Variants in EPM2A observed in about 807,000 individuals in gnomAD.
EPM2A encodes the protein EPM2A glucan phosphatase, laforin.
A neutral mutation model predicts 26.5 loss-of-function variants in EPM2A; 21 were observed. The ratio of observed to expected loss-of-function variants is 0.79; its 90% confidence interval spans 0.56 to 1.14. EPM2A has a LOEUF of 1.14. EPM2A is among the 50% of genes most tolerant of loss of function. The pLI is 0.00. For missense variants in EPM2A, 458 were observed against 440.8 expected (o/e 1.04, Z -0.35); for synonymous variants, 217 against 177.6 (o/e 1.22, Z -1.76).
chr6:145,722,557 A>G (rs1426336735), intron 1 of EPM2A, among the ~76,000 whole-genome samples: 1 of 152,186 alleles, frequency 6.6e-6, no homozygotes, highest in African/African-American at 2.4e-5. Flanking sequence ...GTAATGTGGT[A>G]TGGAAGGGAA....
intron 2 of EPM2A, among the ~76,000 whole-genome samples, chr6:145,602,580 A>G (rs1781429866): frequency 6.6e-6 from 1 of 152,216 alleles, no homozygotes; most frequent in Admixed American, 6.5e-5. Context: ...ACTCAGTACC[A>G]TGGGCAACAG....
intron 1 of EPM2A, among the ~76,000 whole-genome samples, chr6:145,730,885 GA>G (rs1263041246): frequency 6.6e-6 from 1 of 152,166 alleles, no homozygotes; most frequent in Non-Finnish European, 1.5e-5. Context: ...TGTCAGCCTG[GA>G]GAGGAGTTGA....
chr6:145,428,384 G>A (rs1778879257), intron 4 of EPM2A, among the ~76,000 whole-genome samples: 1 of 151,856 alleles, frequency 6.6e-6, no homozygotes, highest in Admixed American at 6.6e-5. Context: ...ACTGCACTGA[G>A]CACTTTTTAT....
At chr6:145,427,692 T>C (rs1778869493) in intron 4 of EPM2A, among the ~76,000 whole-genome samples, 1 of 152,070 alleles carries the variant, frequency 6.6e-6, no homozygotes, top group South Asian at 2.1e-4. Flanking sequence ...AAGAAAAAAA[T>C]GATGATGGCC....
chr6:145,610,183 C>T (rs970781461), intron 2 of EPM2A, among the ~76,000 whole-genome samples: 5 of 149,496 alleles, frequency 3.3e-5, no homozygotes, highest in African/African-American at 1.2e-4. Context: ...CACTGCACTC[C>T]AGCCTGGGCG....
chr6:145,671,149 C>CA (rs1369005027), intron 2 of EPM2A: 8 of 999,938 alleles, frequency 8.0e-6, no homozygotes, highest in African/African-American at 5.3e-5. Context: ...CTGTTTACTC[C>CA]AAAAAAGATT....
chr6:145,496,728 A>ATGTTTTTTTTT (rs779194973), downstream of EPM2A, among the ~76,000 whole-genome samples: 14 of 106,908 alleles, frequency 1.3e-4, 2 homozygotes, highest in East Asian at 2.5e-4. Context: ...AGTTCCTGCA[A>ATGTTTTTTTTT]TTTTTTTTTT....
intron 2 of EPM2A, among the ~76,000 whole-genome samples, chr6:145,676,234 CAA>C (rs773731485): frequency 4.2e-4 from 64 of 152,158 alleles, no homozygotes; most frequent in Non-Finnish European, 7.6e-4. Context: ...CCAATGAAAA[CAA>C]AGACACAACA....
intron 4 of EPM2A, among the ~76,000 whole-genome samples, chr6:145,477,729 A>T (rs1779560114): frequency 6.6e-6 from 1 of 151,924 alleles, no homozygotes; most frequent in Non-Finnish European, 1.5e-5. Flanking sequence ...AAAATTTACT[A>T]TTGCTTCATG....
At chr6:145,511,798 G>T (rs1163363317) in intron 2 of EPM2A, among the ~76,000 whole-genome samples, 1 of 152,110 alleles carries the variant, frequency 6.6e-6, no homozygotes, top group East Asian at 1.9e-4. Context: ...AAGGCATTCA[G>T]ATTGGGAAAG....
intron 2 of EPM2A, among the ~76,000 whole-genome samples, chr6:145,569,816 G>A (rs1213197114): frequency 1.3e-5 from 2 of 151,976 alleles, no homozygotes; most frequent in Admixed American, 6.6e-5. Context: ...TAGTGTATTA[G>A]TCAGGGTTAT....
chr6:145,678,642 T>A (rs1278136194), intron 2 of EPM2A, among the ~76,000 whole-genome samples: 1 of 152,074 alleles, frequency 6.6e-6, no homozygotes, highest in Non-Finnish European at 1.5e-5. Flanking sequence ...AACAGACACA[T>A]GAAAAAATGT....
intron 1 of EPM2A, among the ~76,000 whole-genome samples, chr6:145,698,710 T>TC (rs1781753901): frequency 6.6e-6 from 1 of 152,000 alleles, no homozygotes; most frequent in Admixed American, 6.6e-5. Flanking sequence ...GTATTGTGTC[T>TC]CCCCCACCCC....
intron 2 of EPM2A, among the ~76,000 whole-genome samples, chr6:145,650,551 C>CA (rs745740342): frequency 0.026 from 3,218 of 123,648 alleles, 40 homozygotes; most frequent in African/African-American, 0.031. Flanking sequence ...GACTCTGTCT[C>CA]AAAAAAAAAA....
At chr6:145,515,746 A>C (rs1210078955) in intron 2 of EPM2A, among the ~76,000 whole-genome samples, 1 of 152,216 alleles carries the variant, frequency 6.6e-6, no homozygotes, top group African/African-American at 2.4e-5. Flanking sequence ...ACAGTAAGGC[A>C]CCACAATTTA....
chr6:145,407,243 A>G (rs529423508), intron 4 of EPM2A, among the ~76,000 whole-genome samples: 1 of 152,258 alleles, frequency 6.6e-6, no homozygotes, highest in East Asian at 1.9e-4. Context: ...ATGTTGGGAC[A>G]AAAGACATAC....
intron 3 of EPM2A, chr6:145,631,639 G>C (rs1286829722): frequency 6.6e-6 from 1 of 152,156 alleles, no homozygotes; most frequent in Non-Finnish European, 1.5e-5. Flanking sequence ...ACCAGCTCCA[G>C]GCTAATCTGA....
chr6:145,734,187 C>T (rs1776675508), intron 1 of EPM2A, among the ~76,000 whole-genome samples: 1 of 152,128 alleles, frequency 6.6e-6, no homozygotes, highest in African/African-American at 2.4e-5. Flanking sequence ...CAGAGGAAAA[C>T]TGAAAAGAAC....
At chr6:145,518,281 A>C (rs1780156697) in intron 2 of EPM2A, among the ~76,000 whole-genome samples, 1 of 152,174 alleles carries the variant, frequency 6.6e-6, no homozygotes, top group Non-Finnish European at 1.5e-5. Flanking sequence ...TTGATTTCAG[A>C]GAAGTAGAGA....
Sources: allele counts gnomAD v4.1 joint callset (sites outside exome capture counted in the v4.1 genomes callset), GRCh38; gene constraint gnomAD v4.1.1; transcripts MANE v1.5; gene names NCBI Gene and HGNC (gene_info 2026-07-23, HGNC 2026-07-21).